Variants in GRHL3 observed in about 807,000 individuals in gnomAD.
GRHL3 encodes the protein grainyhead-like protein 3 homolog.
GRHL3 carries 20 observed loss-of-function variants against 70.3 expected under a neutral mutation model. The observed-to-expected ratio is 0.28, with a 90% CI of 0.20 to 0.41. The LOEUF (loss-of-function observed/expected upper bound fraction) is 0.41, where lower values mean the gene tolerates loss of function less well. Among genes scored for constraint, GRHL3 ranks in the 10% least tolerant of loss-of-function variants. The probability of loss-of-function intolerance (pLI) is 1.00; values close to 1 mark genes in which losing one functional copy is unlikely to be tolerated. For missense variants in GRHL3, 637 were observed against 762.3 expected, an observed-to-expected ratio of 0.84 and a Z score of 1.94; for synonymous variants, 299 against 299.9, an observed-to-expected ratio of 1.00 and a Z score of 0.03.
At chr1:24,331,246 C>T (rs1177449994) in intron 1 of GRHL3, among the ~76,000 whole-genome samples, 180 bp from the exon 2 acceptor site, 8 of 152,202 alleles carry the variant, frequency 5.3e-5, no homozygotes, top group Admixed American at 2.0e-4. Context: ...CATTTGGAAT[C>T]GATCCAGCTC....
At chr1:24,323,082 A>C (rs1313257609) in intron 1 of GRHL3, 1 of 1,548,566 alleles carries the variant, frequency 6.5e-7, no homozygotes, top group African/African-American at 1.4e-5. Flanking sequence ...TTCTGAGCAG[A>C]AGAATGTGGA....
chr1:24,356,317 G>A (rs1274057390), downstream of GRHL3, among the ~76,000 whole-genome samples: 6 of 150,398 alleles, frequency 4.0e-5, no homozygotes, highest in East Asian at 3.9e-4. Context: ...ATCTCGACTC[G>A]CTGCAAGCTC....
intron 8 of GRHL3, among the ~76,000 whole-genome samples, chr1:24,341,788 C>A (rs113922164): frequency 7.2e-5 from 11 of 152,264 alleles, no homozygotes; most frequent in African/African-American, 2.4e-4. Flanking sequence ...CTCTTGACAT[C>A]CCCCCCAGTC....
At chr1:24,358,606 T>G, downstream of GRHL3, 1 of 1,613,882 alleles carries the variant, frequency 6.2e-7, no homozygotes, top group Non-Finnish European at 8.5e-7. Flanking sequence ...CTGGAAGCTC[T>G]GGCTTGTACG....
chr1:24,351,779 TTCC>T (rs1406366366), intron 15 of GRHL3, among the ~76,000 whole-genome samples: 2 of 152,162 alleles, frequency 1.3e-5, no homozygotes, highest in Non-Finnish European at 2.9e-5. Context: ...TTCTAAAACC[TTCC>T]ATTTATGGGG....
rs1471680393 is a variant in GRHL3 at position 24,338,067 on chromosome 1, C to T, written c.916C>T (p.Arg306Trp). Reference protein sequence around the residue: ...QLRFWKHWHSRQPTAKQRVID... With the variant: ...QLRFWKHWHSWQPTAKQRVID... ...GCGCTTCTGGAAGCACTGGCATTCCCGGCAACCCACTGCCAAGCAGCGGGT... is the reference window on the plus strand; with the variant it reads ...GCGCTTCTGGAAGCACTGGCATTCCTGGCAACCCACTGCCAAGCAGCGGGT... The change falls in exon 7 of 16, where the codon CGG (arginine) becomes TGG (tryptophan). Residue 306 changes from arginine to tryptophan, a missense_variant. Arg to Trp is a moderately radical substitution (Grantham distance 101). Transcript: ENST00000361548. The T allele has an allele frequency of 9.9e-6, 16 of 1,612,732 alleles. No individual in the cohort carries two copies. The highest frequency in any genetic ancestry group is 2.2e-5 in the East Asian group (1 of 44,872).
In GRHL3 at chr1:24,342,391, TCTC is replaced by T. The variant is rs1176048639; in HGVS notation, c.1206+124_1206+126del. 1.6e-5 allele frequency: 13 copies of T among 833,848 alleles called. No individual in the cohort carries two copies. Among genetic ancestry groups the T allele is most frequent in the Admixed American group, 2.7e-5 (1 of 37,370 alleles). 51.7% of individuals were successfully genotyped at this position (833,848 alleles called of 1,614,324 possible). A position where few individuals can be genotyped will look rare whatever the true frequency, so the allele number is the denominator to read the frequency against. On this transcript the variant is annotated intron_variant, in intron 9 of 15. Coordinates refer to ENST00000361548, the MANE Select transcript of GRHL3 (RefSeq NM_198173.3). This position sits in a 1 kb window ranked among gnomAD's most constrained non-coding sequence, Gnocchi z 4.8. The stretch of plus-strand genomic sequence containing the variant: ...TGTCTCTCTCTGTTTTTCTATCCCT[TCTC>T]CTCCTTCCCCTCTCCTCCTCCACCC...
chr1:24,337,636 T>A lies in GRHL3; in HGVS notation c.687T>A (p.Ser229Arg). The A allele has an allele frequency of 6.2e-7, 1 of 1,614,056 alleles. No individual in the cohort carries two copies. Among genetic ancestry groups the A allele is most frequent in the Admixed American group, 1.7e-5 (1 of 60,016 alleles). ...ACTGTCCTCTCCCTCCTCCCTGCAG[T>A]GACTTTGAATACACCCTGGGCTCCC... is the stretch of plus-strand genomic sequence containing the variant. ...PCPEDYPSLK[S>R]DFEYTLGSPK... Residue 229 changes from serine (S) to arginine (R), a missense_variant and splice_region_variant, in exon 6 of 16, where the codon AGT (serine) becomes AGA (arginine). By Grantham distance (110) the Ser-to-Arg change is moderately radical (BLOSUM62 -1). Coordinates refer to ENST00000361548, the MANE Select transcript of GRHL3 (RefSeq NM_198173.3).
At chr1:24,341,531 G>A (rs940527567) in intron 8 of GRHL3, among the ~76,000 whole-genome samples, 3 of 152,178 alleles carry the variant, frequency 2.0e-5, no homozygotes, top group Non-Finnish European at 4.4e-5. Flanking sequence ...CTGTTTCCCC[G>A]GCTGTAAGAT....
intron 1 of GRHL3, among the ~76,000 whole-genome samples, chr1:24,326,598 C>T (rs1639409408): frequency 6.6e-6 from 1 of 152,172 alleles, no homozygotes; most frequent in Non-Finnish European, 1.5e-5. Flanking sequence ...GCAGGGATGA[C>T]CTCGTTATCT....
At chr1:24,344,525 C>A (rs1640170361) in intron 11 of GRHL3, among the ~76,000 whole-genome samples, 1 of 150,380 alleles carries the variant, frequency 6.6e-6, no homozygotes, top group Admixed American at 6.6e-5. Flanking sequence ...GCCCTGTTGC[C>A]CTTGCTCCCT....
downstream of GRHL3, chr1:24,358,467 C>A: frequency 7.9e-7 from 1 of 1,266,416 alleles, no homozygotes; most frequent in Non-Finnish European, 1.2e-6. Flanking sequence ...GATCGGTCTC[C>A]TCCTGAGGAA....
Position 24,354,598 on chromosome 1 carries a change from C to T in GRHL3, c.*110C>T. ...CTCAGCGCTGTTACTTGAATGCCTTCCCTGAGGGAAGAGGCCCTTGAGTCA... is the reference window on the plus strand; with the variant it reads ...CTCAGCGCTGTTACTTGAATGCCTTTCCTGAGGGAAGAGGCCCTTGAGTCA... On this transcript the variant is annotated 3_prime_UTR_variant, in exon 16 of 16. Coordinates refer to ENST00000361548, the MANE Select transcript of GRHL3 (RefSeq NM_198173.3). 1 of 701,738 alleles carries T rather than the reference C, an allele frequency of 1.4e-6. No individual in the cohort carries two copies. Among genetic ancestry groups the T allele is most frequent in the South Asian group, 1.7e-5 (1 of 60,028 alleles). 43.5% of individuals were successfully genotyped at this position (701,738 alleles called of 1,614,324 possible).
In GRHL3 at chr1:24,353,330, G is replaced by T. The variant is rs563141881; in HGVS notation, c.1695-1044G>T. On this transcript the variant is annotated intron_variant, in intron 15 of 15. Coordinates refer to ENST00000361548, the MANE Select transcript of GRHL3 (RefSeq NM_198173.3). ...TGAGCAAAGCCCTGCACATGGAAAG[G>T]CCTCAGTGAATATAGGGGATGAATG... Among the ~76,000 whole-genome samples the T allele has an allele frequency of 2.0e-5, 3 of 152,236 alleles. No homozygotes were observed. In the South Asian group the frequency reaches 6.2e-4, roughly 32 times the overall value.
intron 15 of GRHL3, among the ~76,000 whole-genome samples, chr1:24,351,141 C>G (rs569740867): frequency 6.6e-6 from 1 of 152,230 alleles, no homozygotes; most frequent in Non-Finnish European, 1.5e-5. Flanking sequence ...TAGTCTAACT[C>G]GAGCGACATT....
rs1401170359 is a variant in GRHL3 at position 24,337,787 on chromosome 1, A to C, written c.838A>C (p.Lys280Gln). 1 of 1,614,064 alleles carries C rather than the reference A, an allele frequency of 6.2e-7. No individual in the cohort carries two copies. Among genetic ancestry groups the C allele is most frequent in the African/African-American group, 1.3e-5 (1 of 74,944 alleles). ...CCTTGCCTTGTCCTCCAACAAAGTCAAGGTGCGTTGGCCTGGAGCAGCTTC... is the reference window on the plus strand; with the variant it reads ...CCTTGCCTTGTCCTCCAACAAAGTCCAGGTGCGTTGGCCTGGAGCAGCTTC... ...KGLALSSNKV[K>Q]SVVMVVFDNE... is the part of the protein sequence containing the mutation. Residue 280 changes from lysine (K) to glutamine (Q), a missense_variant and splice_region_variant, in exon 6 of 16, where the codon AAG (lysine) becomes CAG (glutamine). Transcript: ENST00000361548.
At chr1:24,347,433 TC>T (rs1640333723) in intron 13 of GRHL3, 34 bp from the exon 14 acceptor site, 1 of 1,544,412 alleles carries the variant, frequency 6.5e-7, no homozygotes, top group Non-Finnish European at 9.0e-7. Flanking sequence ...GTTCACATTA[TC>T]TTCCTTGCAC....
At chr1:24,358,974 C>CCATAAAAG (rs1246543548), downstream of GRHL3, among the ~76,000 whole-genome samples, 1 of 152,136 alleles carries the variant, frequency 6.6e-6, no homozygotes, top group Non-Finnish European at 1.5e-5. Context: ...TCAGGGGTTT[C>CCATAAAAG]CATAAAAGCA....
intron 12 of GRHL3, among the ~76,000 whole-genome samples, chr1:24,345,928 T>C (rs895157491): frequency 9.2e-5 from 14 of 152,238 alleles, no homozygotes; most frequent in Admixed American, 3.9e-4. Flanking sequence ...TACTTTTCAC[T>C]TGGTGCTTTC....
Sources: gnomAD v4.1 joint callset for allele counts (sites outside exome capture counted in the v4.1 genomes callset) on GRCh38, gnomAD v4.1.1 for gene constraint, Gnocchi (gnomAD v3.1) non-coding constraint, MANE v1.5 for transcripts, NCBI Gene and HGNC (gene_info 2026-07-23, HGNC 2026-07-21) for gene names.